The following ZNF732 variants were observed in gnomAD, a reference collection of about 807,000 sequenced individuals.
ZNF732 encodes zinc finger protein LOC654254.
ZNF732 carries 12 observed loss-of-function variants against 11.5 expected under a neutral mutation model. The ratio of observed to expected loss-of-function variants is 1.05; its 90% confidence interval spans 0.67 to 1.70. The LOEUF is 1.70. Among genes scored for constraint, ZNF732 ranks in the 40% most tolerant of loss-of-function variants. The pLI is 0.00. For missense variants in ZNF732, 702 were observed against 676.9 expected (o/e 1.04, Z -0.41); for synonymous variants, 231 against 236.5 (o/e 0.98, Z 0.21).
At position 272,469 on chromosome 4, in the gene ZNF732, T is replaced by A. The variant is rs1719408444; in HGVS notation, c.388A>T (p.Asn130Tyr). The change falls in exon 4 of 4, where the codon AAT becomes TAT. Residue 130 changes from asparagine (N) to tyrosine (Y), a missense_variant. Coordinates refer to ENST00000419098, the MANE Select transcript of ZNF732 (RefSeq NM_001137608.3). The stretch of plus-strand genomic sequence containing the variant: ...CTCTGGATAGTTGACAAGCATTGAT[T>A]AAATTCATTATAACCTCCTTTCTGC... ...KVQKGGYNEF[N>Y]QCLSTIQSKI... 2 of 1,601,690 alleles carry A rather than the reference T, an allele frequency of 1.2e-6. No individual in the cohort carries two copies. Among genetic ancestry groups the A allele is most frequent in the Non-Finnish European group, 1.7e-6 (2 of 1,173,130 alleles).
At chr4:303,090 T>C (rs921788480) in intron 1 of ZNF732, among the ~76,000 whole-genome samples, 1 of 152,232 alleles carries the variant, frequency 6.6e-6, no homozygotes, top group African/African-American at 2.4e-5. Context: ...ATTCGTCTGA[T>C]TGATAACGCC....
At chr4:297,036 G>A (rs533415514) in intron 1 of ZNF732, among the ~76,000 whole-genome samples, 5 of 152,292 alleles carry the variant, frequency 3.3e-5, no homozygotes, top group South Asian at 2.1e-4. Flanking sequence ...TTGGAAGGCC[G>A]TGGTGGGGGG....
intron 3 of ZNF732, among the ~76,000 whole-genome samples, chr4:282,916 A>G (rs1191376919): frequency 5.3e-5 from 8 of 152,198 alleles, no homozygotes; most frequent in African/African-American, 1.9e-4. Flanking sequence ...TTAGAAAACA[A>G]TGAACAAAAT....
chr4:299,760 G>A (rs540248868), intron 1 of ZNF732, among the ~76,000 whole-genome samples: 6 of 144,250 alleles, frequency 4.2e-5, no homozygotes, highest in Admixed American at 7.0e-5. Context: ...GCAATGGCAC[G>A]ATATCAGCTG....
intron 3 of ZNF732, among the ~76,000 whole-genome samples, chr4:276,603 A>G (rs532037185): frequency 3.7e-4 from 57 of 152,100 alleles, no homozygotes; most frequent in African/African-American, 1.3e-3. Flanking sequence ...AGTAGCAAAC[A>G]TAATTAAAAA....
At chr4:300,603 AATAACTT>A (rs1720097011) in intron 1 of ZNF732, among the ~76,000 whole-genome samples, 1 of 152,214 alleles carries the variant, frequency 6.6e-6, no homozygotes, top group Non-Finnish European at 1.5e-5. Flanking sequence ...TGATCATTAA[AATAACTT>A]GTATTTCTCA....
At chr4:288,095 C>T (rs1406027359) in intron 3 of ZNF732, among the ~76,000 whole-genome samples, 1 of 152,122 alleles carries the variant, frequency 6.6e-6, no homozygotes, top group East Asian at 1.9e-4. Context: ...CATCTCTTGT[C>T]TATTTGTTAA....
chr4:300,858 A>G (rs1720102008), intron 1 of ZNF732, among the ~76,000 whole-genome samples: 1 of 152,234 alleles, frequency 6.6e-6, no homozygotes, highest in African/African-American at 2.4e-5. Flanking sequence ...ACAAAAGCCA[A>G]AATTGACAAA....
intron 3 of ZNF732, among the ~76,000 whole-genome samples, chr4:283,448 C>G (rs1553840155): frequency 6.6e-6 from 1 of 150,480 alleles, no homozygotes; most frequent in East Asian, 1.9e-4. Context: ...CCAGTAATAA[C>G]TAAAAGAGTA....
At chr4:305,213 G>C in intron 1 of ZNF732, 95 bp downstream of exon 1, 1 of 1,484,084 alleles carries the variant, frequency 6.7e-7, no homozygotes, top group South Asian at 1.3e-5. Context: ...GGCGGCAGCG[G>C]AGACTCCGTT....
At chr4:276,261 T>G (rs1470824741) in intron 3 of ZNF732, among the ~76,000 whole-genome samples, 2 of 151,854 alleles carry the variant, frequency 1.3e-5, no homozygotes, top group Non-Finnish European at 3.0e-5. Flanking sequence ...TGCAGAGAGA[T>G]AAACACAGAG....
chr4:294,559 G>T (rs1719907270), intron 3 of ZNF732, among the ~76,000 whole-genome samples: 1 of 152,180 alleles, frequency 6.6e-6, no homozygotes, highest in Admixed American at 6.5e-5. Flanking sequence ...TAATGACATA[G>T]AACATTTAAG....
At position 271,953 on chromosome 4, in the gene ZNF732, C is replaced by T. The variant is rs375952545; in HGVS notation, c.904G>A (p.Gly302Arg). 4.2e-5 allele frequency: 67 copies of T among 1,606,774 alleles called. No individual in the cohort carries two copies. The highest frequency in any genetic ancestry group is 9.9e-5 in the South Asian group (9 of 90,492). ...NVAKHKKIHTGEKLYKCQECG... is the reference protein window; with the variant it reads ...NVAKHKKIHTREKLYKCQECG... Reference sequence around the variant, plus strand: ...TCCTGACATTTGTAGAGTTTCTCTCCGGTATGAATTTTCTTATGTTTGGCA... The same window carrying T: ...TCCTGACATTTGTAGAGTTTCTCTCTGGTATGAATTTTCTTATGTTTGGCA... Residue 302 changes from glycine to arginine, a missense_variant, in exon 4 of 4, where the codon GGA becomes AGA. Physicochemically the swap from Gly to Arg is moderately radical, Grantham distance 125. Around this residue, in one of 3 missense-constraint regions of ZNF732, gnomAD observed 596 missense variants for 557.9 expected, o/e 1.07. Transcript: ENST00000419098.
chr4:291,556 G>C (rs1335100316), intron 3 of ZNF732, among the ~76,000 whole-genome samples: 1 of 151,990 alleles, frequency 6.6e-6, no homozygotes, highest in African/African-American at 2.4e-5. Context: ...AATAAATTTA[G>C]ACACTAAATG....
rs981744397 is a variant in ZNF732 at position 279,254 on chromosome 4, C to T, written c.227-6624G>A. Among the ~76,000 whole-genome samples, 12 of 151,792 alleles carry T rather than the reference C, an allele frequency of 7.9e-5. 1 individual carries two copies. Among genetic ancestry groups the T allele is most frequent in the African/African-American group, 2.9e-4 (12 of 41,424 alleles). On this transcript the variant is annotated intron_variant, in intron 3 of 3. Coordinates refer to ENST00000419098, the MANE Select transcript of ZNF732 (RefSeq NM_001137608.3). ...AAGATCAAGACCATCCTGGCTAACA[C>T]GGTGAAACCTTGTCTCTACTAAAAA...
Position 272,343 on chromosome 4 carries a change from A to G in ZNF732, c.514T>C (p.Cys172Arg), listed in dbSNP as rs1553837890. Reference protein sequence around the residue: ...RHTGEKHFKECGKSFQKFSDL... With the variant: ...RHTGEKHFKERGKSFQKFSDL... The stretch of plus-strand genomic sequence containing the variant: ...GAGAACTTCTGAAATGACTTGCCAC[A>G]TTCTTTAAAGTGTTTCTCTCCAGTA... The change falls in exon 4 of 4, where the codon TGT (cysteine) becomes CGT (arginine). Residue 172 changes from cysteine (C) to arginine (R), a missense_variant. This residue lies in a region of ZNF732 where 596 missense variants were observed against 557.9 expected (regional missense o/e 1.07). Transcript: ENST00000419098. The G allele has an allele frequency of 3.1e-6, 5 of 1,609,666 alleles. No homozygotes were observed. The highest frequency in any genetic ancestry group is 4.2e-6 in the Non-Finnish European group (5 of 1,177,384).
Position 299,439 on chromosome 4 carries a change from A to ATATATATACACATATGTG in ZNF732, c.4-3285_4-3284insCACATATGTGTATATATA, listed in dbSNP as rs1560165208. Among the ~76,000 whole-genome samples the ATATATATACACATATGTG allele has an allele frequency of 1.3e-3, 60 of 45,834 alleles. 3 individuals are homozygous for ATATATATACACATATGTG. Among genetic ancestry groups the ATATATATACACATATGTG allele is most frequent in the Admixed American group, 2.4e-3 (9 of 3,708 alleles). The allele number at this position is 45,834 out of a possible 152,430, so 30.1% of individuals were successfully genotyped here. On this transcript the variant is annotated intron_variant, in intron 1 of 3. Transcript: ENST00000419098. ...TACACATATATACACATATGTGTATATATATATATATACACATATGTGTAT... is the reference window on the plus strand; with the variant it reads ...TACACATATATACACATATGTGTATATATATATACACATATGTGTATATATATATACACATATGTGTAT...
intron 3 of ZNF732, among the ~76,000 whole-genome samples, chr4:277,283 C>T (rs56218479): frequency 0.032 from 4,819 of 151,952 alleles, 102 homozygotes; most frequent in Non-Finnish European, 0.052. Context: ...CAAAAATATG[C>T]AAACGGGATT....
chr4:277,158 G>C (rs544142821), intron 3 of ZNF732, among the ~76,000 whole-genome samples: 2 of 152,016 alleles, frequency 1.3e-5, no homozygotes, highest in South Asian at 4.1e-4. Context: ...CACAAATACA[G>C]ATTTAAATGG....
Sources: allele counts gnomAD v4.1 joint callset (sites outside exome capture counted in the v4.1 genomes callset), GRCh38; gene constraint gnomAD v4.1.1; regional missense constraint gnomAD v4.1.1; transcripts MANE v1.5; gene names NCBI Gene and HGNC (gene_info 2026-07-23, HGNC 2026-07-21).